Variants in CADPS2 observed in about 807,000 individuals in gnomAD.
CADPS2 encodes calcium dependent secretion activator 2.
A neutral mutation model predicts 172.5 loss-of-function variants in CADPS2; 93 were observed. The ratio of observed to expected loss-of-function variants is 0.54; its 90% confidence interval spans 0.46 to 0.64. The LOEUF (loss-of-function observed/expected upper bound fraction) is 0.64, where lower values mean the gene tolerates loss of function less well. Among genes scored for constraint, CADPS2 ranks in the 30% least tolerant of loss-of-function variants. CADPS2 has a pLI of 0.00. For missense variants in CADPS2, 1,420 were observed against 1,565.9 expected (o/e 0.91, Z 1.57); for synonymous variants, 546 against 555.2 (o/e 0.98, Z 0.23).
At chr7:122,439,106 A>C (rs910456736) in intron 16 of CADPS2, among the ~76,000 whole-genome samples, 1 of 152,168 alleles carries the variant, frequency 6.6e-6, no homozygotes, top group Non-Finnish European at 1.5e-5. Flanking sequence ...GTTTTAAAAA[A>C]TAACTGATTA....
At chr7:122,358,718 T>C (rs998253923) in intron 27 of CADPS2, among the ~76,000 whole-genome samples, 10 of 152,092 alleles carry the variant, frequency 6.6e-5, no homozygotes, top group African/African-American at 2.4e-4. Context: ...TAAAAAAGAA[T>C]AACGGCCAAC....
At chr7:122,590,414 A>G (rs937204059) in intron 6 of CADPS2, among the ~76,000 whole-genome samples, 1 of 151,974 alleles carries the variant, frequency 6.6e-6, no homozygotes, top group African/African-American at 2.4e-5. Flanking sequence ...ATGTAACACT[A>G]TATCTTGAAC....
intron 28 of CADPS2, among the ~76,000 whole-genome samples, chr7:122,334,362 AG>A (rs1224852868): frequency 2.6e-5 from 4 of 152,180 alleles, no homozygotes; most frequent in Non-Finnish European, 4.4e-5. Flanking sequence ...GTGTATTAGG[AG>A]GCATGGCTGG....
chr7:122,528,341 C>A (rs2061453566), intron 8 of CADPS2, among the ~76,000 whole-genome samples: 1 of 152,104 alleles, frequency 6.6e-6, no homozygotes, highest in Admixed American at 6.6e-5. Context: ...ATTACAACAA[C>A]AAAAACTAGC....
intron 7 of CADPS2, among the ~76,000 whole-genome samples, chr7:122,566,350 G>C (rs1347426015): frequency 6.6e-6 from 1 of 152,078 alleles, no homozygotes; most frequent in South Asian, 2.1e-4. Context: ...TCAGAAAACA[G>C]TATGCAGGTT....
chr7:122,581,462 G>A (rs908456791), intron 6 of CADPS2, among the ~76,000 whole-genome samples, 172 bp from the exon 7 acceptor site: 5 of 152,056 alleles, frequency 3.3e-5, no homozygotes, highest in Non-Finnish European at 7.4e-5. Flanking sequence ...AGAACAATAA[G>A]CTTTACAGCT....
chr7:122,708,937 C>T (rs1000151904), intron 2 of CADPS2, among the ~76,000 whole-genome samples: 5 of 151,748 alleles, frequency 3.3e-5, no homozygotes, highest in African/African-American at 9.7e-5. Flanking sequence ...CAATATTTGG[C>T]CGTAGTATAA....
intron 6 of CADPS2, among the ~76,000 whole-genome samples, chr7:122,597,286 C>T (rs1355317911): frequency 1.3e-5 from 2 of 152,022 alleles, no homozygotes; most frequent in Admixed American, 6.6e-5. Context: ...CACATAATTA[C>T]TCGGAAAAAG....
intron 7 of CADPS2, among the ~76,000 whole-genome samples, chr7:122,575,271 C>T (rs2067864799): frequency 6.6e-6 from 1 of 151,874 alleles, no homozygotes; most frequent in African/African-American, 2.4e-5. Context: ...CTATCCTAGA[C>T]TGGGGGAGAA....
intron 2 of CADPS2, among the ~76,000 whole-genome samples, chr7:122,704,467 A>C (rs2086670433): frequency 6.6e-6 from 1 of 152,034 alleles, no homozygotes; most frequent in South Asian, 2.1e-4. Flanking sequence ...GTAATTTGTT[A>C]AATCTGTGAT....
At chr7:122,455,943 T>G (rs2053715990) in intron 14 of CADPS2, among the ~76,000 whole-genome samples, 2 of 152,138 alleles carry the variant, frequency 1.3e-5, no homozygotes, top group African/African-American at 4.8e-5. Flanking sequence ...CCTCAGGTGA[T>G]CCACCCTCCT....
intron 11 of CADPS2, among the ~76,000 whole-genome samples, chr7:122,481,558 G>A (rs1180258838): frequency 6.6e-6 from 1 of 151,878 alleles, no homozygotes; most frequent in Non-Finnish European, 1.5e-5. Flanking sequence ...TGGCCAACGT[G>A]GAGAAACCCC....
At chr7:122,686,532 GTTT>G (rs2083647461) in intron 2 of CADPS2, among the ~76,000 whole-genome samples, 2 of 152,174 alleles carry the variant, frequency 1.3e-5, no homozygotes. Flanking sequence ...CCCTCCTCAA[GTTT>G]CTGTAAACTC....
chr7:122,652,888 C>A (rs1387642712), intron 3 of CADPS2, among the ~76,000 whole-genome samples: 1 of 152,072 alleles, frequency 6.6e-6, no homozygotes, highest in African/African-American at 2.4e-5. Flanking sequence ...ATGGTATGTG[C>A]TATCTTCTAT....
At chr7:122,685,043 G>GT (rs1387470534) in intron 2 of CADPS2, among the ~76,000 whole-genome samples, 1 of 152,122 alleles carries the variant, frequency 6.6e-6, no homozygotes, top group East Asian at 1.9e-4. Context: ...TTTATACCTT[G>GT]TAGTTGTTTA....
Position 122,344,016 on chromosome 7 carries a change from T to A in CADPS2, c.3612+1558A>T, listed in dbSNP as rs145440246. 4.2e-3 allele frequency among the ~76,000 whole-genome samples: 632 copies of A among 152,280 alleles called. 8 individuals carry two copies. Among genetic ancestry groups the A allele is most frequent in the Middle Eastern group, 0.017 (5 of 294 alleles). ...TTATTAAAACAGGCAATACTTTTTA[T>A]TGTATGATAGCCTGAGTAAAGGGTA... On this transcript the variant is annotated intron_variant, in intron 28 of 29. Transcript: ENST00000449022.
intron 3 of CADPS2, among the ~76,000 whole-genome samples, chr7:122,660,694 A>G (rs1043277518): frequency 1.3e-5 from 2 of 151,980 alleles, no homozygotes; most frequent in Non-Finnish European, 2.9e-5. Context: ...GCGGATCATG[A>G]GGTCAGGAGA....
intron 1 of CADPS2, among the ~76,000 whole-genome samples, chr7:122,838,150 A>G (rs1358226732): frequency 6.6e-6 from 1 of 152,226 alleles, no homozygotes; most frequent in Non-Finnish European, 1.5e-5. Context: ...AATGTAATCC[A>G]GCATATAAAC....
chr7:122,882,376 T>C (rs1392049972), intron 1 of CADPS2, among the ~76,000 whole-genome samples: 2 of 152,238 alleles, frequency 1.3e-5, no homozygotes, highest in East Asian at 3.9e-4. Context: ...TCTATTTTAA[T>C]ACCCTCTTAT....
Sources: allele counts gnomAD v4.1 joint callset (sites outside exome capture counted in the v4.1 genomes callset), GRCh38; gene constraint gnomAD v4.1.1; transcripts MANE v1.5; gene names NCBI Gene and HGNC (gene_info 2026-07-23, HGNC 2026-07-21).